Variants in AFG2A observed in about 807,000 individuals in gnomAD.
AFG2A encodes AAA ATPase AFG2A.
chr4:123,023,883 G>A, the AFG2A span, among the ~76,000 whole-genome samples: 4 of 151,858 alleles, frequency 2.6e-5, no homozygotes, highest in African/African-American at 9.7e-5. Flanking sequence ...AGTCTCATCC[G>A]CCAGCGATTT....
At chr4:123,150,870 A>G in the AFG2A span, among the ~76,000 whole-genome samples, 1 of 152,192 alleles carries the variant, frequency 6.6e-6, no homozygotes, top group African/African-American at 2.4e-5. Flanking sequence ...TTCAAACTAT[A>G]CTGCAAGGCT....
the AFG2A span, among the ~76,000 whole-genome samples, chr4:123,059,613 T>TA: frequency 6.6e-6 from 1 of 151,502 alleles, no homozygotes; most frequent in African/African-American, 2.4e-5. Flanking sequence ...ACAATAAACA[T>TA]ACGTGTGCAT....
At chr4:123,257,466 ATAGCCCCATCATAAGT>A in the AFG2A span, among the ~76,000 whole-genome samples, 3 of 152,198 alleles carry the variant, frequency 2.0e-5, no homozygotes, top group African/African-American at 7.2e-5. Context: ...TTACCAGGAC[ATAGCCCCATCATAAGT>A]TGAGGAGTAT....
the AFG2A span, among the ~76,000 whole-genome samples, chr4:123,100,101 C>T: frequency 3.3e-5 from 5 of 151,844 alleles, no homozygotes; most frequent in African/African-American, 1.2e-4. Flanking sequence ...ATAGAAGGCT[C>T]CATGGTCTAG....
chr4:123,279,641 A>G, the AFG2A span, among the ~76,000 whole-genome samples: 3 of 152,194 alleles, frequency 2.0e-5, no homozygotes, highest in Admixed American at 6.5e-5. Flanking sequence ...AAATTATATC[A>G]CCTATAGAAA....
chr4:123,209,143 C>A, the AFG2A span, among the ~76,000 whole-genome samples: 46 of 152,224 alleles, frequency 3.0e-4, no homozygotes, highest in South Asian at 7.1e-3. Flanking sequence ...TTAATTGAAC[C>A]CAAGCAGGGG....
chr4:123,143,703 A>C, the AFG2A span, among the ~76,000 whole-genome samples: 1 of 151,962 alleles, frequency 6.6e-6, no homozygotes, highest in African/African-American at 2.4e-5. Context: ...AACATGAAGA[A>C]TAGAATGTAA....
the AFG2A span, among the ~76,000 whole-genome samples, chr4:123,060,492 T>G: frequency 1.3e-5 from 2 of 152,140 alleles, no homozygotes; most frequent in African/African-American, 4.8e-5. Context: ...CAACTCCATG[T>G]GGAAGCTGCC....
At chr4:122,970,867 T>C in the AFG2A span, among the ~76,000 whole-genome samples, 1 of 152,030 alleles carries the variant, frequency 6.6e-6, no homozygotes, top group Non-Finnish European at 1.5e-5. Context: ...GGAGTCTTGC[T>C]TTGTCACCCA....
At chr4:123,128,481 C>A in the AFG2A span, among the ~76,000 whole-genome samples, 3,766 of 152,182 alleles carry the variant, frequency 0.025, 151 homozygotes, top group African/African-American at 0.084. Flanking sequence ...CAACAACCAT[C>A]CGAAACATCT....
chr4:123,309,141 A>G, the AFG2A span, among the ~76,000 whole-genome samples: 1 of 152,238 alleles, frequency 6.6e-6, no homozygotes, highest in African/African-American at 2.4e-5. Flanking sequence ...TAAACCATTT[A>G]TAGATATTCT....
At chr4:123,033,374 G>A in the AFG2A span, among the ~76,000 whole-genome samples, 1 of 151,898 alleles carries the variant, frequency 6.6e-6, no homozygotes, top group East Asian at 1.9e-4. Flanking sequence ...TAGAACTAGT[G>A]TCCAATGGCT....
chr4:122,943,972 C>T, the AFG2A span, among the ~76,000 whole-genome samples: 1 of 152,124 alleles, frequency 6.6e-6, no homozygotes, highest in African/African-American at 2.4e-5. Context: ...CCCCCACTCT[C>T]TTCTGGCTTG....
At chr4:123,109,366 T>A in the AFG2A span, among the ~76,000 whole-genome samples, 1 of 152,172 alleles carries the variant, frequency 6.6e-6, no homozygotes, top group African/African-American at 2.4e-5. Context: ...TCATTTTTTT[T>A]CTCTTGTGAG....
At chr4:123,007,568 ATGTGTGTGTGTGTGTGTG>A in the AFG2A span, among the ~76,000 whole-genome samples, 3 of 91,736 alleles carry the variant, frequency 3.3e-5, no homozygotes, top group Non-Finnish European at 6.0e-5. Context: ...GTGTGTGTAT[ATGTGTGTGTGTGTGTGTG>A]TGTGTGTGTG....
At chr4:123,247,570 C>T in the AFG2A span, among the ~76,000 whole-genome samples, 231 of 99,888 alleles carry the variant, frequency 2.3e-3, no homozygotes, top group African/African-American at 6.1e-3. Flanking sequence ...CCACCACACC[C>T]GGCTAATTTT....
At chr4:122,947,183 T>C in the AFG2A span, 2 of 1,477,432 alleles carry the variant, frequency 1.4e-6, no homozygotes, top group Admixed American at 2.4e-5. Context: ...TCTCACTTTT[T>C]TTTTTCTAAC....
chr4:122,933,791 T>C, the AFG2A span, among the ~76,000 whole-genome samples: 1 of 151,968 alleles, frequency 6.6e-6, no homozygotes, highest in African/African-American at 2.4e-5. Context: ...TATCTTGGAG[T>C]GTTGGTTTGG....
the AFG2A span, among the ~76,000 whole-genome samples, chr4:123,058,791 A>T: frequency 7.3e-6 from 1 of 136,440 alleles, no homozygotes; most frequent in Non-Finnish European, 1.6e-5. Context: ...TTGGGTGGAG[A>T]CACAGCCAAA....
Sources: allele counts gnomAD v4.1 joint callset (sites outside exome capture counted in the v4.1 genomes callset), GRCh38; gene constraint gnomAD v4.1.1; transcripts MANE v1.5; gene names NCBI Gene and HGNC (gene_info 2026-07-23, HGNC 2026-07-21).